Variants in GSAP observed in about 807,000 individuals in gnomAD.
The protein encoded by GSAP is gamma-secretase-activating protein.
GSAP carries 118 observed loss-of-function variants against 131.7 expected under a neutral mutation model. The ratio of observed to expected loss-of-function variants is 0.90; its 90% CI spans 0.77 to 1.04. The LOEUF (loss-of-function observed/expected upper bound fraction) is 1.04. GSAP is among the 50% of genes least tolerant of loss of function. GSAP has a pLI of 0.00. For missense variants in GSAP, 1,019 were observed against 1,013.2 expected (o/e 1.01, Z -0.08); for synonymous variants, 381 against 363.4 (o/e 1.05, Z -0.55).
chr7:77,392,866 C>T (rs1799802089), intron 5 of GSAP, among the ~76,000 whole-genome samples: 1 of 152,078 alleles, frequency 6.6e-6, no homozygotes, highest in African/African-American at 2.4e-5. Flanking sequence ...TCTGGAAAAT[C>T]TCAGTGGCAA....
At chr7:77,337,310 G>C (rs1323087204) in intron 19 of GSAP, among the ~76,000 whole-genome samples, 1 of 150,102 alleles carries the variant, frequency 6.7e-6, no homozygotes, top group East Asian at 2.0e-4. Context: ...GTGGGGGGGG[G>C]GTTACAGGCG....
intron 14 of GSAP, among the ~76,000 whole-genome samples, chr7:77,359,355 C>A (rs746697363): frequency 7.2e-5 from 11 of 152,014 alleles, no homozygotes; most frequent in African/African-American, 4.8e-5. Context: ...AGCAAGATAA[C>A]AAGTAAAATA....
intron 12 of GSAP, among the ~76,000 whole-genome samples, chr7:77,366,242 G>T (rs189354450): frequency 6.6e-6 from 1 of 151,960 alleles, no homozygotes; most frequent in African/African-American, 2.4e-5. Context: ...AGTTTAATTC[G>T]ATCCCATTTG....
At chr7:77,327,973 G>A (rs1051503022) in intron 22 of GSAP, among the ~76,000 whole-genome samples, 2 of 152,192 alleles carry the variant, frequency 1.3e-5, no homozygotes, top group African/African-American at 4.8e-5. Context: ...CATGTGCTAA[G>A]CACTATGTTA....
At chr7:77,314,597 C>T (rs1794769405) in intron 26 of GSAP, 108 bp from the exon 27 acceptor site, 2 of 1,154,228 alleles carry the variant, frequency 1.7e-6, no homozygotes, top group African/African-American at 3.1e-5. Context: ...TGCTTGGTGC[C>T]TGGAACCAAC....
At chr7:77,333,745 T>C (rs1789520629) in intron 19 of GSAP, among the ~76,000 whole-genome samples, 2 of 152,180 alleles carry the variant, frequency 1.3e-5, no homozygotes, top group South Asian at 2.1e-4. Flanking sequence ...GCCAAGGTGA[T>C]ACCAGCATGC....
At chr7:77,399,074 T>C (rs994349865) in intron 3 of GSAP, among the ~76,000 whole-genome samples, 5 of 152,172 alleles carry the variant, frequency 3.3e-5, no homozygotes, top group Admixed American at 3.3e-4. Context: ...ATTTAGGTAA[T>C]ATAATAATCC....
chr7:77,378,956 A>C (rs1233334142), intron 8 of GSAP, among the ~76,000 whole-genome samples: 1 of 152,142 alleles, frequency 6.6e-6, no homozygotes, highest in Admixed American at 6.5e-5. Context: ...CCTAATAGGG[A>C]TTTCTCCACC....
intron 4 of GSAP, 100 bp downstream of exon 4, chr7:77,397,246 A>G: frequency 1.2e-6 from 1 of 805,392 alleles, no homozygotes; most frequent in Non-Finnish European, 2.1e-6. Flanking sequence ...CTAGGAAATT[A>G]TTGTTATAGA....
chr7:77,404,142 C>T (rs1357206055), intron 3 of GSAP, among the ~76,000 whole-genome samples: 1 of 152,204 alleles, frequency 6.6e-6, no homozygotes. Context: ...CAAGGGCCTG[C>T]CCAGGTATTG....
chr7:77,340,615 A>C (rs956683616), intron 19 of GSAP, among the ~76,000 whole-genome samples: 1 of 152,202 alleles, frequency 6.6e-6, no homozygotes, highest in African/African-American at 2.4e-5. Flanking sequence ...GAGACAAAGA[A>C]GACACATTTT....
At chr7:77,362,804 C>A in intron 12 of GSAP, 144 bp from the exon 13 acceptor site, 1 of 593,248 alleles carries the variant, frequency 1.7e-6, no homozygotes, top group Admixed American at 3.1e-5. Flanking sequence ...TAGAAGTGGT[C>A]TATTAACAAG....
intron 22 of GSAP, chr7:77,328,351 A>G (rs372243679): frequency 1.8e-5 from 22 of 1,238,506 alleles, no homozygotes; most frequent in Non-Finnish European, 1.1e-5. Flanking sequence ...GACAGGAAAT[A>G]AGGAGAACCG....
At chr7:77,334,961 T>C (rs1789748466) in intron 19 of GSAP, among the ~76,000 whole-genome samples, 1 of 151,826 alleles carries the variant, frequency 6.6e-6, no homozygotes, top group African/African-American at 2.4e-5. Context: ...CGGGCGCCTG[T>C]AATCCCAGCT....
At chr7:77,314,661 A>C (rs1281128266) in intron 26 of GSAP, 172 bp from the exon 27 acceptor site, 1 of 608,798 alleles carries the variant, frequency 1.6e-6, no homozygotes, top group East Asian at 3.2e-5. Context: ...TTCGTAACTA[A>C]ATATCACGCT....
chr7:77,412,648 A>T (rs575986589), intron 1 of GSAP, among the ~76,000 whole-genome samples: 4 of 151,902 alleles, frequency 2.6e-5, no homozygotes, highest in African/African-American at 9.6e-5. Flanking sequence ...ATAATCAATT[A>T]AAAAAAATAG....
intron 19 of GSAP, among the ~76,000 whole-genome samples, chr7:77,339,908 T>C (rs1790640134): frequency 6.6e-6 from 1 of 152,230 alleles, no homozygotes; most frequent in Admixed American, 6.5e-5. Context: ...GGTAAACTCA[T>C]AAATCCCTTG....
intron 14 of GSAP, among the ~76,000 whole-genome samples, chr7:77,357,311 C>T (rs1032188786): frequency 1.1e-4 from 16 of 152,242 alleles, no homozygotes; most frequent in African/African-American, 2.9e-4. Flanking sequence ...AAGATATGCA[C>T]GTGCTAATCC....
intron 8 of GSAP, among the ~76,000 whole-genome samples, chr7:77,378,500 A>G (rs1001775086): frequency 6.6e-6 from 1 of 151,016 alleles, no homozygotes; most frequent in African/African-American, 2.5e-5. Flanking sequence ...AATAAAAATA[A>G]AAAACAAAAC....
Sources: allele counts gnomAD v4.1 joint callset (sites outside exome capture counted in the v4.1 genomes callset), GRCh38; gene constraint gnomAD v4.1.1; transcripts MANE v1.5; gene names NCBI Gene and HGNC (gene_info 2026-07-23, HGNC 2026-07-21).